MBNL2: variants seen among roughly 807,000 people sequenced by gnomAD.
The protein encoded by MBNL2 is muscleblind like splicing regulator 2, also known as muscleblind-like protein 2.
A neutral mutation model predicts 41.9 loss-of-function variants in MBNL2; 17 were observed. That is an observed-to-expected ratio of 0.41 (90% CI 0.28 to 0.61). The LOEUF is 0.61. Ranked by LOEUF, MBNL2 falls within the 20% of genes least tolerant of loss-of-function variation. MBNL2 has a pLI of 0.35. For missense variants in MBNL2, 336 were observed against 505.6 expected, an observed-to-expected ratio of 0.66 and a Z score of 3.22; for synonymous variants, 195 against 182.9, an observed-to-expected ratio of 1.07 and a Z score of -0.53.
intron 1 of MBNL2, among the ~76,000 whole-genome samples, chr13:97,233,959 C>T (rs2042838825): frequency 6.6e-6 from 1 of 152,150 alleles, no homozygotes; most frequent in Admixed American, 6.5e-5. Context: ...CCTTGGAGAT[C>T]TACCCAACTG....
chr13:97,222,197 G>C, upstream of MBNL2: 1 of 386,476 alleles, frequency 2.6e-6, no homozygotes, highest in Non-Finnish European at 4.6e-6. Flanking sequence ...CACTGCAAGT[G>C]CTGTGTTACT....
intron 8 of MBNL2, among the ~76,000 whole-genome samples, chr13:97,370,114 T>C (rs2064221434): frequency 6.6e-6 from 1 of 152,186 alleles, no homozygotes; most frequent in African/African-American, 2.4e-5. Flanking sequence ...TTCTTAACAA[T>C]AGTTTTATGA....
chr13:97,373,605 A>AAAAAAT (rs375523597), intron 8 of MBNL2, among the ~76,000 whole-genome samples: 19 of 145,410 alleles, frequency 1.3e-4, no homozygotes, highest in African/African-American at 4.6e-4. Context: ...GTATGCTAAA[A>AAAAAAT]ATATATATAT....
chr13:97,312,996 T>C (rs1000084440), intron 2 of MBNL2, among the ~76,000 whole-genome samples: 26 of 152,210 alleles, frequency 1.7e-4, no homozygotes, highest in South Asian at 2.1e-4. Flanking sequence ...CATGTTCCCC[T>C]GGTGACAACT....
intron 1 of MBNL2, among the ~76,000 whole-genome samples, chr13:97,254,903 A>G (rs2047236739): frequency 6.6e-6 from 1 of 152,228 alleles, no homozygotes; most frequent in South Asian, 2.1e-4. Flanking sequence ...CAGTATTTCC[A>G]GCCGCAAAGG....
chr13:97,256,308 A>T (rs2047508988), intron 1 of MBNL2, among the ~76,000 whole-genome samples: 1 of 142,996 alleles, frequency 7.0e-6, no homozygotes, highest in African/African-American at 2.7e-5. Flanking sequence ...GACTTTAAGT[A>T]AAAAAAAAAA....
At chr13:97,230,582 A>G (rs947940308) in intron 1 of MBNL2, among the ~76,000 whole-genome samples, 11 of 152,244 alleles carry the variant, frequency 7.2e-5, no homozygotes, top group African/African-American at 2.7e-4. Context: ...GGCAATGACA[A>G]AGGATGAATC....
At chr13:97,371,687 G>A (rs534649018) in intron 8 of MBNL2, among the ~76,000 whole-genome samples, 6 of 152,258 alleles carry the variant, frequency 3.9e-5, no homozygotes, top group African/African-American at 1.2e-4. Flanking sequence ...GCCATTAAGA[G>A]GTTTTAACAA....
intron 1 of MBNL2, among the ~76,000 whole-genome samples, chr13:97,234,893 C>G (rs2042989612): frequency 6.6e-6 from 1 of 152,212 alleles, no homozygotes; most frequent in African/African-American, 2.4e-5. Flanking sequence ...AGCTTAGAGA[C>G]ACACTTCGCC....
At chr13:97,318,965 A>G (rs1311123507) in intron 2 of MBNL2, among the ~76,000 whole-genome samples, 1 of 152,168 alleles carries the variant, frequency 6.6e-6, no homozygotes, top group Non-Finnish European at 1.5e-5. Context: ...TCTGAGAAAA[A>G]TTAGCAGGTA....
chr13:97,224,021 A>G (rs570146307), intron 1 of MBNL2, among the ~76,000 whole-genome samples: 113 of 152,324 alleles, frequency 7.4e-4, no homozygotes, highest in Middle Eastern at 3.4e-3. Context: ...TGTAAATTGT[A>G]AACCTGTCCC....
intron 1 of MBNL2, among the ~76,000 whole-genome samples, chr13:97,237,599 A>ACATC: frequency 6.6e-6 from 1 of 152,266 alleles, no homozygotes; most frequent in African/African-American, 2.4e-5. Context: ...GGAGGAGAAA[A>ACATC]CATCTGACAT....
At chr13:97,386,221 G>A (rs748829322) in intron 8 of MBNL2, among the ~76,000 whole-genome samples, 7 of 152,210 alleles carry the variant, frequency 4.6e-5, no homozygotes, top group Non-Finnish European at 8.8e-5. Context: ...TGCCTGTAGC[G>A]TTGGCTGATG....
the MBNL2 span, among the ~76,000 whole-genome samples, chr13:97,163,002 T>C: frequency 6.6e-6 from 1 of 152,132 alleles, no homozygotes; most frequent in African/African-American, 2.4e-5. Flanking sequence ...ACTGAGATGC[T>C]CGAGAAAACC....
At chr13:97,164,419 G>A in the MBNL2 span, among the ~76,000 whole-genome samples, 1 of 152,184 alleles carries the variant, frequency 6.6e-6, no homozygotes, top group Non-Finnish European at 1.5e-5. Flanking sequence ...TTAGTGCAAT[G>A]CCTGGTACAC....
chr13:97,197,547 G>A, the MBNL2 span, among the ~76,000 whole-genome samples: 1 of 152,076 alleles, frequency 6.6e-6, no homozygotes, highest in Non-Finnish European at 1.5e-5. Context: ...ATTTGTTCAA[G>A]CAGTTTTTGA....
At chr13:97,320,423 A>AT (rs755111086) in intron 2 of MBNL2, among the ~76,000 whole-genome samples, 14 of 151,844 alleles carry the variant, frequency 9.2e-5, no homozygotes, top group Non-Finnish European at 1.9e-4. Context: ...TGCCCGGCTA[A>AT]TTTTTTGTAT....
the MBNL2 span, among the ~76,000 whole-genome samples, chr13:97,202,594 T>C: frequency 6.6e-6 from 1 of 152,166 alleles, no homozygotes; most frequent in Non-Finnish European, 1.5e-5. Context: ...TTTCCTAGAA[T>C]CCTTATCTAC....
intron 2 of MBNL2, among the ~76,000 whole-genome samples, chr13:97,320,458 A>G (rs1434290943): frequency 1.3e-5 from 2 of 151,590 alleles, no homozygotes; most frequent in Non-Finnish European, 2.9e-5. Flanking sequence ...GGGTTTCACC[A>G]TGTTAGCCAG....
Sources: allele counts gnomAD v4.1 joint callset (sites outside exome capture counted in the v4.1 genomes callset), GRCh38; gene constraint gnomAD v4.1.1; transcripts MANE v1.5; gene names NCBI Gene and HGNC (gene_info 2026-07-23, HGNC 2026-07-21).